PKP1: variants seen among roughly 807,000 people sequenced by gnomAD.
The protein encoded by PKP1 is plakophilin 1.
A neutral mutation model predicts 76.4 loss-of-function variants in PKP1; 27 were observed. That is an observed-to-expected ratio of 0.35 (90% CI 0.26 to 0.49). PKP1 has a LOEUF of 0.49. Among genes scored for constraint, PKP1 ranks in the 20% least tolerant of loss-of-function variants. The pLI is 0.99. For missense variants in PKP1, 964 were observed against 955.2 expected, an observed-to-expected ratio of 1.01 and a Z score of -0.12; for synonymous variants, 404 against 384.2, an observed-to-expected ratio of 1.05 and a Z score of -0.60.
At chr1:201,291,661 C>T (rs1378447261) in intron 1 of PKP1, among the ~76,000 whole-genome samples, 1 of 152,190 alleles carries the variant, frequency 6.6e-6, no homozygotes, top group South Asian at 2.1e-4. Context: ...CTGTCACCAC[C>T]CCAAATTTTC....
Position 201,283,636 on chromosome 1 carries a change from C to A in PKP1, c.-67C>A. ...AGAGCACGCTCCTGCCCGCCCGCTG[C>A]ACCGCACCTCGCCTCGCCTCTCTGC... On this transcript the variant is annotated 5_prime_UTR_variant, in exon 1 of 14. Coordinates refer to ENST00000367324, the MANE Select transcript of PKP1 (RefSeq NM_001005337.3). The A allele has an allele frequency of 1.4e-6, 2 of 1,393,818 alleles. No individual in the cohort carries two copies. The highest frequency in any genetic ancestry group is 2.0e-6 in the Non-Finnish European group (2 of 997,434). The allele number at this position is 1,393,818 out of a possible 1,614,324, so 86.3% of individuals were successfully genotyped here.
At chr1:201,293,392 C>T (rs758040226) in intron 1 of PKP1, among the ~76,000 whole-genome samples, 5 of 152,156 alleles carry the variant, frequency 3.3e-5, no homozygotes, top group African/African-American at 4.8e-5. Flanking sequence ...GGTTGATCGC[C>T]GCTCCCCCTT....
chr1:201,327,458 T>C (rs1352317719), intron 12 of PKP1, among the ~76,000 whole-genome samples: 1 of 152,210 alleles, frequency 6.6e-6, no homozygotes, highest in East Asian at 1.9e-4. Context: ...CCAGAGCTCC[T>C]TTCCAACAGC....
At chr1:201,326,239 G>A (rs1657124119) in intron 12 of PKP1, among the ~76,000 whole-genome samples, 1 of 152,262 alleles carries the variant, frequency 6.6e-6, no homozygotes, top group South Asian at 2.1e-4. Context: ...GCTTGGACTT[G>A]TACCTTTGGC....
Position 201,320,360 on chromosome 1 carries a change from G to T in PKP1, c.1326G>T (p.Ala442=), listed in dbSNP as rs200173870. 8.1e-6 allele frequency: 13 copies of T among 1,612,784 alleles called. No homozygotes were observed. The highest frequency in any genetic ancestry group is 2.2e-5 in the East Asian group (1 of 44,890). Residue 442 remains alanine, a synonymous_variant, in exon 7 of 14, where the codon GCG becomes GCT. Coordinates refer to ENST00000367324, the MANE Select transcript of PKP1 (RefSeq NM_001005337.3). ...SLMAYVQNCV[A]ASRCDDKSVE... ...TGGCCTATGTCCAGAACTGTGTAGC[G>T]GCCAGCCGCTGTGACGACAAGGTGA...
chr1:201,294,993 C>T (rs1036630957), intron 2 of PKP1, among the ~76,000 whole-genome samples: 1 of 152,170 alleles, frequency 6.6e-6, no homozygotes, highest in African/African-American at 2.4e-5. Context: ...GCTGATGCAA[C>T]ATTAGCCTGC....
chr1:201,313,767 G>A (rs1311211361), intron 3 of PKP1, among the ~76,000 whole-genome samples: 1 of 152,248 alleles, frequency 6.6e-6, no homozygotes, highest in African/African-American at 2.4e-5. Context: ...TTCTTAGTGT[G>A]AAGGTGAAAC....
chr1:201,321,884 T>G, intron 7 of PKP1, 94 bp from the exon 8 acceptor site: 2 of 1,431,000 alleles, frequency 1.4e-6, no homozygotes, highest in African/African-American at 2.8e-5. Context: ...GCAGCCCAGG[T>G]GCCTCTGCTC....
At chr1:201,295,003 C>A (rs1656032124) in intron 2 of PKP1, among the ~76,000 whole-genome samples, 1 of 152,094 alleles carries the variant, frequency 6.6e-6, no homozygotes, top group African/African-American at 2.4e-5. Flanking sequence ...CATTAGCCTG[C>A]ATTATTCTTG....
At chr1:201,285,041 GTTTA>G (rs1347115319) in intron 1 of PKP1, among the ~76,000 whole-genome samples, 2 of 152,092 alleles carry the variant, frequency 1.3e-5, no homozygotes, top group African/African-American at 2.4e-5. Context: ...GATTCCACTT[GTTTA>G]TTTATTTACT....
intron 7 of PKP1, 46 bp downstream of exon 7, chr1:201,320,427 C>T (rs1446607125): frequency 7.8e-7 from 1 of 1,278,918 alleles, no homozygotes; most frequent in Non-Finnish European, 1.1e-6. Context: ...GCCCAGCCCC[C>T]TACATTTTCT....
intron 1 of PKP1, among the ~76,000 whole-genome samples, chr1:201,292,641 TG>T (rs1655951458): frequency 1.3e-5 from 2 of 152,154 alleles, no homozygotes; most frequent in African/African-American, 4.8e-5. Context: ...GGAGCCTAAG[TG>T]GGTGTGGCAG....
chr1:201,319,833 G>A (rs558439674), intron 6 of PKP1: 72 of 1,614,068 alleles, frequency 4.5e-5, no homozygotes, highest in Admixed American at 1.3e-4. Flanking sequence ...CTGGGCATGC[G>A]GGAGCTTCTG....
At chr1:201,324,301 C>A in intron 9 of PKP1, 127 bp from the exon 10 acceptor site, 1 of 936,972 alleles carries the variant, frequency 1.1e-6, no homozygotes, top group African/African-American at 1.6e-5. Context: ...CACATGTGAG[C>A]TAGTGCTTCC....
At chr1:201,298,929 G>C (rs1656144464) in intron 2 of PKP1, among the ~76,000 whole-genome samples, 1 of 152,208 alleles carries the variant, frequency 6.6e-6, no homozygotes, top group African/African-American at 2.4e-5. Flanking sequence ...TTACAGATGA[G>C]AGGACTGGGG....
chr1:201,286,664 G>A (rs1655747670), intron 1 of PKP1, among the ~76,000 whole-genome samples: 1 of 152,162 alleles, frequency 6.6e-6, no homozygotes, highest in Admixed American at 6.5e-5. Context: ...TGGAGACCTT[G>A]CAGAAGGAGG....
rs2071960 is a variant in PKP1, at chr1:201,321,938, C to G, written c.1348-40C>G. On this transcript the variant is annotated intron_variant, in intron 7 of 13. Coordinates refer to ENST00000367324, the MANE Select transcript of PKP1 (RefSeq NM_001005337.3). The stretch of plus-strand genomic sequence containing the variant: ...GTGGTAGGCCAGGAGCCTGTCGGGC[C>G]GGGCAGAGGCTCAGGCCCATGCCTC... 14 of 1,612,256 alleles carry G rather than the reference C, an allele frequency of 8.7e-6. No individual in the cohort carries two copies. In the Middle Eastern group the frequency reaches 1.2e-3, roughly 132 times the overall value.
intron 7 of PKP1, among the ~76,000 whole-genome samples, chr1:201,321,381 A>G (rs1392051563): frequency 6.6e-6 from 1 of 152,130 alleles, no homozygotes; most frequent in African/African-American, 2.4e-5. Context: ...AGGTTTGCCA[A>G]AGGAGATTGA....
At chr1:201,296,700 A>AT (rs1282904448) in intron 2 of PKP1, among the ~76,000 whole-genome samples, 1 of 152,246 alleles carries the variant, frequency 6.6e-6, no homozygotes, top group Non-Finnish European at 1.5e-5. Flanking sequence ...CAAATAAGAT[A>AT]AAGGCATTAG....
Sources: gnomAD v4.1 joint callset for allele counts (sites outside exome capture counted in the v4.1 genomes callset) on GRCh38, gnomAD v4.1.1 for gene constraint, MANE v1.5 for transcripts, NCBI Gene and HGNC (gene_info 2026-07-23, HGNC 2026-07-21) for gene names.